The following DLGAP2 variants were observed in gnomAD, a reference collection of about 807,000 sequenced individuals.
The protein encoded by DLGAP2 is DLG associated protein 2.
Under a neutral mutation model 100.3 loss-of-function variants are expected in DLGAP2, and 26 were observed. The observed-to-expected ratio is 0.26, with a 90% CI of 0.19 to 0.36. The LOEUF (loss-of-function observed/expected upper bound fraction) is 0.36. Among genes scored for constraint, DLGAP2 ranks in the 10% least tolerant of loss-of-function variants. The pLI, the probability that DLGAP2 is intolerant of heterozygous loss-of-function variation, is 1.00. For synonymous variants in DLGAP2, 886 were observed against 630.1 expected (o/e 1.41, Z -6.08); for missense variants, 1,858 against 1,453.2 (o/e 1.28, Z -4.53).
chr8:1,376,047 ACCTCTCC>A (rs1802377892), intron 3 of DLGAP2, among the ~76,000 whole-genome samples: 1 of 16,006 alleles, frequency 6.2e-5, no homozygotes, highest in African/African-American at 2.6e-4. Context: ...GGTTAACGAC[ACCTCTCC>A]ACGGCCTCAG....
chr8:1,515,956 C>T (rs1464299562), intron 4 of DLGAP2, among the ~76,000 whole-genome samples: 2 of 151,924 alleles, frequency 1.3e-5, no homozygotes, highest in Non-Finnish European at 2.9e-5. Context: ...AGGGAATGAT[C>T]GAGTGAGTGA....
rs141905860 is a variant in DLGAP2, at chr8:871,094, G to A, written c.19-36818G>A. ...TGCGCACTGTTTGACATCAGTCAGA[G>A]CCTGACCACCTCTGGGCACCAGTGT... On this transcript the variant is annotated intron_variant, in intron 1 of 14. Transcript: ENST00000637795. Among the ~76,000 whole-genome samples, 678 of 152,338 alleles carry A rather than the reference G, an allele frequency of 4.5e-3. 3 individuals are homozygous for A. Among genetic ancestry groups the A allele is most frequent in the African/African-American group, 0.015 (626 of 41,576 alleles).
At chr8:1,501,549 G>C (rs906372739) in intron 4 of DLGAP2, 118 bp downstream of exon 4, 3 of 1,055,438 alleles carry the variant, frequency 2.8e-6, no homozygotes, top group Non-Finnish European at 4.1e-6. Context: ...TAGAAAGGGA[G>C]CTAAGAAGAA....
At chr8:1,179,578 A>G (rs1442839670) in intron 2 of DLGAP2, among the ~76,000 whole-genome samples, 9 of 152,328 alleles carry the variant, frequency 5.9e-5, no homozygotes, top group African/African-American at 2.2e-4. Flanking sequence ...TTAATTTGGC[A>G]CTGTGTAATT....
At chr8:1,439,701 CCTT>C (rs1797773136) in intron 3 of DLGAP2, among the ~76,000 whole-genome samples, 2 of 152,152 alleles carry the variant, frequency 1.3e-5, no homozygotes, top group Admixed American at 6.5e-5. Flanking sequence ...CTCCTGCTCA[CCTT>C]CTTCCCGCCA....
intron 3 of DLGAP2, among the ~76,000 whole-genome samples, chr8:1,366,749 A>G (rs965492683): frequency 6.6e-6 from 1 of 152,190 alleles, no homozygotes; most frequent in South Asian, 2.1e-4. Context: ...GGCATCATCC[A>G]GGAGGCTGGA....
chr8:967,089 C>G (rs79577246), intron 2 of DLGAP2, among the ~76,000 whole-genome samples: 2,949 of 152,264 alleles, frequency 0.019, 96 homozygotes, highest in African/African-American at 0.067. Flanking sequence ...GTGTATTTAC[C>G]TTTCTTGATT....
chr8:1,535,472 C>T (rs1391664666), intron 4 of DLGAP2, among the ~76,000 whole-genome samples: 2 of 152,196 alleles, frequency 1.3e-5, no homozygotes, highest in Non-Finnish European at 2.9e-5. Flanking sequence ...AGTGTGTCGA[C>T]ACACATGTTG....
At chr8:1,356,035 A>C (rs1378701194) in intron 3 of DLGAP2, among the ~76,000 whole-genome samples, 1 of 152,194 alleles carries the variant, frequency 6.6e-6, no homozygotes, top group Non-Finnish European at 1.5e-5. Flanking sequence ...GATCGGGGCC[A>C]CTGCACTGTC....
At chr8:1,468,649 C>T (rs1189029355) in intron 3 of DLGAP2, among the ~76,000 whole-genome samples, 1 of 152,180 alleles carries the variant, frequency 6.6e-6, no homozygotes, top group Non-Finnish European at 1.5e-5. Context: ...CCAGTGCATT[C>T]CTCGCTTTAT....
intron 6 of DLGAP2, among the ~76,000 whole-genome samples, chr8:1,607,125 T>C (rs1486453191): frequency 6.6e-6 from 1 of 152,256 alleles, no homozygotes; most frequent in East Asian, 1.9e-4. Context: ...CTGTACTACA[T>C]ATAATATTAA....
chr8:1,210,455 A>G (rs1563255579), intron 2 of DLGAP2, among the ~76,000 whole-genome samples: 1 of 152,160 alleles, frequency 6.6e-6, no homozygotes, highest in African/African-American at 2.4e-5. Context: ...GAGCAGCAGG[A>G]GTGTGTGGGG....
intron 2 of DLGAP2, among the ~76,000 whole-genome samples, chr8:1,179,394 G>T (rs558703788): frequency 1.2e-4 from 18 of 152,354 alleles, no homozygotes; most frequent in Middle Eastern, 3.4e-3. Flanking sequence ...TGACTGTGCA[G>T]TCGATGGACA....
At chr8:1,287,319 G>A (rs1301518733) in intron 3 of DLGAP2, among the ~76,000 whole-genome samples, 1 of 137,224 alleles carries the variant, frequency 7.3e-6, no homozygotes, top group Non-Finnish European at 1.5e-5. Context: ...TTCAGCGTGT[G>A]TGTGTGTGTG....
intron 1 of DLGAP2, among the ~76,000 whole-genome samples, chr8:894,850 C>A (rs1258795520): frequency 2.0e-4 from 20 of 98,790 alleles, no homozygotes; most frequent in Non-Finnish European, 3.5e-4. Flanking sequence ...TGGAGGCTGG[C>A]AGGGGCGGGG....
chr8:1,490,785 G>C (rs1358875021), intron 3 of DLGAP2, among the ~76,000 whole-genome samples: 1 of 151,868 alleles, frequency 6.6e-6, no homozygotes, highest in East Asian at 1.9e-4. Flanking sequence ...CTCCTAAAAG[G>C]TCCCCAGGGT....
intron 3 of DLGAP2, among the ~76,000 whole-genome samples, chr8:1,318,157 G>A (rs150529760): frequency 2.0e-5 from 3 of 148,504 alleles, no homozygotes; most frequent in African/African-American, 5.0e-5. Context: ...AAAATAGAGC[G>A]TGTGTGAGTG....
At position 839,207 on chromosome 8, in the gene DLGAP2, A is replaced by G. The variant is rs150602238; in HGVS notation, c.19-68705A>G. ...TAAAAAAAATAGAAATAGAACTACC[A>G]TGTGATCCAGCCGTCCCACTTCTTG... is the stretch of plus-strand genomic sequence containing the variant. On this transcript the variant is annotated intron_variant, in intron 1 of 14. Coordinates refer to ENST00000637795, the MANE Select transcript of DLGAP2 (RefSeq NM_001346810.2). 1.1e-4 allele frequency among the ~76,000 whole-genome samples: 17 copies of G among 152,244 alleles called. No individual in the cohort carries two copies. The East Asian group carries it at 3.3e-3, about 29-fold the overall frequency.
intron 7 of DLGAP2, among the ~76,000 whole-genome samples, chr8:1,630,191 G>A (rs891381013): frequency 1.3e-5 from 2 of 152,156 alleles, no homozygotes; most frequent in African/African-American, 2.4e-5. Context: ...TAGTAAGTGA[G>A]ACTGTATCAC....
Sources: gnomAD v4.1 joint callset for allele counts (sites outside exome capture counted in the v4.1 genomes callset) on GRCh38, gnomAD v4.1.1 for gene constraint, MANE v1.5 for transcripts, NCBI Gene and HGNC (gene_info 2026-07-23, HGNC 2026-07-21) for gene names.